The following KCNQ3 variants were observed in gnomAD, a reference collection of about 807,000 sequenced individuals.
KCNQ3 encodes the protein potassium voltage-gated channel subfamily Q member 3.
KCNQ3 carries 30 observed loss-of-function variants against 92.5 expected under a neutral mutation model. That is an observed-to-expected ratio of 0.32 (90% CI 0.24 to 0.44). KCNQ3 has a LOEUF of 0.44. Among genes scored for constraint, KCNQ3 ranks in the 20% least tolerant of loss-of-function variants. The pLI is 1.00. For missense variants in KCNQ3, 913 were observed against 1,140.3 expected, an observed-to-expected ratio of 0.80 and a Z score of 2.87; for synonymous variants, 450 against 468.8, an observed-to-expected ratio of 0.96 and a Z score of 0.52.
intron 11 of KCNQ3, 71 bp from the exon 12 acceptor site, chr8:132,138,087 A>C: frequency 6.4e-7 from 1 of 1,550,492 alleles, no homozygotes; most frequent in East Asian, 2.2e-5. Context: ...GAAGGCTAGC[A>C]AACTCCAGGG....
intron 1 of KCNQ3, among the ~76,000 whole-genome samples, chr8:132,264,021 C>G (rs910261414): frequency 1.3e-5 from 2 of 152,150 alleles, no homozygotes; most frequent in African/African-American, 4.8e-5. Context: ...ATGTAGCCCT[C>G]ACTAGGATCC....
intron 1 of KCNQ3, among the ~76,000 whole-genome samples, chr8:132,241,428 G>A (rs1270175871): frequency 1.3e-5 from 2 of 149,724 alleles, no homozygotes; most frequent in Non-Finnish European, 3.0e-5. Flanking sequence ...ACGGAATTTC[G>A]CTCTTGTTGC....
intron 1 of KCNQ3, among the ~76,000 whole-genome samples, chr8:132,401,320 T>G (rs2721903): frequency 0.56 from 85,430 of 151,838 alleles, 25,674 homozygotes; most frequent in South Asian, 0.73. Context: ...CACTGTCCCA[T>G]GTCCCTTTTA....
At chr8:132,141,359 T>A in intron 9 of KCNQ3, 28 bp from the exon 10 acceptor site, 4 of 1,606,068 alleles carry the variant, frequency 2.5e-6, no homozygotes, top group Non-Finnish European at 3.4e-6. Context: ...GTGAACAATT[T>A]TCCTCCTTCA....
intron 1 of KCNQ3, among the ~76,000 whole-genome samples, chr8:132,350,725 CG>C (rs1164965083): frequency 6.6e-6 from 1 of 152,160 alleles, no homozygotes; most frequent in Non-Finnish European, 1.5e-5. Flanking sequence ...TCCTCACGCA[CG>C]TGAGTCTTAG....
chr8:132,257,765 A>AAAAG (rs1815641309), intron 1 of KCNQ3, among the ~76,000 whole-genome samples: 2 of 85,098 alleles, frequency 2.4e-5, no homozygotes, highest in African/African-American at 3.1e-5. Flanking sequence ...AAAAAAAAAA[A>AAAAG]AGAGAGAGAG....
chr8:132,374,175 C>T (rs1012654877), intron 1 of KCNQ3, among the ~76,000 whole-genome samples: 7 of 152,268 alleles, frequency 4.6e-5, no homozygotes, highest in Admixed American at 3.9e-4. Flanking sequence ...GGCCATGACC[C>T]GACTTGCTCC....
intron 1 of KCNQ3, among the ~76,000 whole-genome samples, chr8:132,281,510 T>G (rs978471739): frequency 1.4e-5 from 2 of 147,956 alleles, no homozygotes; most frequent in African/African-American, 4.9e-5. Flanking sequence ...AATATGCATA[T>G]ATATGGAATC....
chr8:132,339,191 G>A (rs1818449657), intron 1 of KCNQ3, among the ~76,000 whole-genome samples: 1 of 152,122 alleles, frequency 6.6e-6, no homozygotes, highest in African/African-American at 2.4e-5. Context: ...ACAAAGTGGG[G>A]GCTGGAACAG....
intron 1 of KCNQ3, among the ~76,000 whole-genome samples, chr8:132,187,903 ATGGTGGTGG>A (rs1253337459): frequency 2.5e-4 from 14 of 55,076 alleles, no homozygotes; most frequent in African/African-American, 4.8e-4. Context: ...GGTGGTGGTG[ATGGTGGTGG>A]TGGTGTTGGT....
chr8:132,129,096 G>C lies in KCNQ3; in HGVS notation c.*166C>G, dbSNP rs1412371024. The C allele has an allele frequency of 1.4e-6, 1 of 693,062 alleles. No individual in the cohort carries two copies. Among genetic ancestry groups the C allele is most frequent in the Non-Finnish European group, 2.5e-6 (1 of 407,496 alleles). 42.9% of individuals were successfully genotyped at this position (693,062 alleles called of 1,614,324 possible). A position where few individuals can be genotyped will look rare whatever the true frequency, so the allele number is the denominator to read the frequency against. On this transcript the variant is annotated 3_prime_UTR_variant, in exon 15 of 15. Coordinates refer to ENST00000388996, the MANE Select transcript of KCNQ3 (RefSeq NM_004519.4). The surrounding 1 kb of genome is among the most constrained non-coding windows in gnomAD (Gnocchi z 5.9). Reference sequence around the variant, plus strand: ...AGGAAGCACTTTGTTGTGGTGACATGGGGAGGAAGAGGCTGTGGGAAGCCC... The same window carrying C: ...AGGAAGCACTTTGTTGTGGTGACATCGGGAGGAAGAGGCTGTGGGAAGCCC...
chr8:132,197,758 G>T lies in KCNQ3; in HGVS notation c.387-11577C>A, dbSNP rs573559525. On this transcript the variant is annotated intron_variant, in intron 1 of 14. Coordinates refer to ENST00000388996, the MANE Select transcript of KCNQ3 (RefSeq NM_004519.4). ...TATTTGCCTTCTCTTGTGGACTGAG[G>T]TCTCATCACTAACAAAGCATTTTAT... 3.9e-5 allele frequency among the ~76,000 whole-genome samples: 6 copies of T among 152,278 alleles called. No individual in the cohort carries two copies. The East Asian group carries it at 9.7e-4, about 25-fold the overall frequency.
At chr8:132,339,363 C>T (rs1818455855) in intron 1 of KCNQ3, among the ~76,000 whole-genome samples, 2 of 152,302 alleles carry the variant, frequency 1.3e-5, no homozygotes, top group East Asian at 1.9e-4. Context: ...CCCCCTCACC[C>T]TTCAAAAATC....
At chr8:132,400,188 C>T (rs1303165642) in intron 1 of KCNQ3, among the ~76,000 whole-genome samples, 2 of 152,126 alleles carry the variant, frequency 1.3e-5, no homozygotes, top group African/African-American at 4.8e-5. Context: ...ATGTATTCAG[C>T]GTCTGTGTGC....
At chr8:132,161,504 C>T (rs1467341830) in intron 9 of KCNQ3, among the ~76,000 whole-genome samples, 3 of 151,928 alleles carry the variant, frequency 2.0e-5, no homozygotes, top group African/African-American at 4.8e-5. Flanking sequence ...TGGTGGTGCT[C>T]GCCTATCATT....
chr8:132,422,449 C>T (rs151016001), intron 1 of KCNQ3, among the ~76,000 whole-genome samples: 1,756 of 152,276 alleles, frequency 0.012, 15 homozygotes, highest in Non-Finnish European at 0.02. Flanking sequence ...TAAATCTAAA[C>T]TCTCTATCCT....
At chr8:132,131,451 C>T (rs1364296680) in intron 14 of KCNQ3, among the ~76,000 whole-genome samples, 1 of 152,140 alleles carries the variant, frequency 6.6e-6, no homozygotes, top group Non-Finnish European at 1.5e-5. Flanking sequence ...TCCTTCCGGC[C>T]TCTTCACGCA....
chr8:132,359,868 T>C (rs1357981927), intron 1 of KCNQ3, among the ~76,000 whole-genome samples: 1 of 152,168 alleles, frequency 6.6e-6, no homozygotes, highest in African/African-American at 2.4e-5. Flanking sequence ...TGCCAACTTT[T>C]CTCCTGGCTC....
At chr8:132,285,717 T>C (rs1298607222) in intron 1 of KCNQ3, among the ~76,000 whole-genome samples, 3 of 152,178 alleles carry the variant, frequency 2.0e-5, no homozygotes, top group Admixed American at 6.5e-5. Flanking sequence ...TAGGTAATAC[T>C]CATCAAAACT....
Sources: gnomAD v4.1 joint callset for allele counts (sites outside exome capture counted in the v4.1 genomes callset) on GRCh38, gnomAD v4.1.1 for gene constraint, Gnocchi (gnomAD v3.1) non-coding constraint, MANE v1.5 for transcripts, NCBI Gene and HGNC (gene_info 2026-07-23, HGNC 2026-07-21) for gene names.